The following NTM variants were observed in gnomAD, a reference collection of about 807,000 sequenced individuals.
NTM encodes the protein IgLON family member 2.
Under a neutral mutation model 42.1 loss-of-function variants are expected in NTM, and 13 were observed. The ratio of observed to expected loss-of-function variants is 0.31; its 90% CI spans 0.20 to 0.49. The LOEUF (loss-of-function observed/expected upper bound fraction) is 0.49, where lower values mean the gene tolerates loss of function less well. Among genes scored for constraint, NTM ranks in the 20% least tolerant of loss-of-function variants. The probability of loss-of-function intolerance (pLI) is 0.99; values close to 1 mark genes in which losing one functional copy is unlikely to be tolerated. For synonymous variants in NTM, 187 were observed against 179.2 expected, an observed-to-expected ratio of 1.04 and a Z score of -0.35; for missense variants, 373 against 452.8, an observed-to-expected ratio of 0.82 and a Z score of 1.60.
In NTM at chr11:132,104,937, G is replaced by GTGTGCA. The variant is rs1169190929; in HGVS notation, c.168-41344_168-41343insGTGCAT. Reference sequence around the variant, plus strand: ...TCTCTCTCTCTCCATATATACATATGTATATATATATATATATATATATAT... The same window carrying GTGTGCA: ...TCTCTCTCTCTCCATATATACATATGTGTGCATATATATATATATATATATATATAT... On this transcript the variant is annotated intron_variant, in intron 2 of 8. Transcript: ENST00000683400. Among the ~76,000 whole-genome samples, 2 of 61,826 alleles carry GTGTGCA rather than the reference G, an allele frequency of 3.2e-5. 1 individual carries two copies. Among genetic ancestry groups the GTGTGCA allele is most frequent in the African/African-American group, 1.2e-4 (2 of 16,516 alleles). 40.6% of individuals were successfully genotyped at this position (61,826 alleles called of 152,430 possible).
rs376786769 is a variant in NTM, at chr11:131,690,823, G to A, written c.83-220741G>A. ...GAGCAGAGCCAGCCTGAGGCACACG[G>A]CGGGTGAAGACGGGGCTCAGAAGGA... On this transcript the variant is annotated intron_variant, in intron 1 of 8. Transcript: ENST00000683400. Among the ~76,000 whole-genome samples, 8 of 152,330 alleles carry A rather than the reference G, an allele frequency of 5.3e-5. No homozygotes were observed. In the East Asian group the frequency reaches 7.7e-4, roughly 15 times the overall value.
intron 2 of NTM, among the ~76,000 whole-genome samples, chr11:131,945,144 G>A (rs922362253): frequency 2.4e-4 from 37 of 152,276 alleles, no homozygotes; most frequent in African/African-American, 6.3e-4. Context: ...CTTATAGGGC[G>A]ATTCACAAAA....
rs140389466 is a variant in NTM, at chr11:131,550,466, T to G, written c.82+179578T>G. ...CCCCTTGGTGCTGTTCTTGGCATAG[T>G]GGGTGCGTTATCATGAGATCTGTTT... On this transcript the variant is annotated intron_variant, in intron 1 of 8. Coordinates refer to ENST00000683400, the MANE Select transcript of NTM (RefSeq NM_001352005.2). Among the ~76,000 whole-genome samples, 192 of 152,264 alleles carry G rather than the reference T, an allele frequency of 1.3e-3. 1 individual carries two copies. Among genetic ancestry groups the G allele is most frequent in the Middle Eastern group, 3.4e-3 (1 of 294 alleles).
chr11:131,497,682 A>G (rs1955497137), intron 1 of NTM, among the ~76,000 whole-genome samples: 1 of 152,210 alleles, frequency 6.6e-6, no homozygotes, highest in Non-Finnish European at 1.5e-5. Context: ...ATTGTTAAGT[A>G]CCATGAGTTC....
intron 1 of NTM, among the ~76,000 whole-genome samples, chr11:131,727,273 T>G (rs1485382304): frequency 1.3e-5 from 2 of 152,204 alleles, no homozygotes; most frequent in Non-Finnish European, 2.9e-5. Flanking sequence ...TCCTTCTAAT[T>G]ACACATATGA....
At chr11:132,069,735 G>C (rs2057175830) in intron 2 of NTM, among the ~76,000 whole-genome samples, 1 of 148,410 alleles carries the variant, frequency 6.7e-6, no homozygotes, top group Non-Finnish European at 1.5e-5. Flanking sequence ...ACCATCACAG[G>C]TTAGTTAACA....
At chr11:131,613,605 T>C (rs889911661) in intron 1 of NTM, among the ~76,000 whole-genome samples, 2 of 152,100 alleles carry the variant, frequency 1.3e-5, no homozygotes, top group African/African-American at 4.8e-5. Flanking sequence ...TTTTAAAATG[T>C]GACTAATTCC....
At chr11:132,104,937 G>A (rs11222925) in intron 2 of NTM, among the ~76,000 whole-genome samples, 4 of 61,824 alleles carry the variant, frequency 6.5e-5, no homozygotes, top group East Asian at 7.7e-4. Context: ...ATATACATAT[G>A]TATATATATA....
chr11:131,764,227 A>G (rs953220199), intron 1 of NTM, among the ~76,000 whole-genome samples: 26 of 152,194 alleles, frequency 1.7e-4, no homozygotes, highest in Middle Eastern at 6.3e-3. Flanking sequence ...TTAATTAGCT[A>G]TATAACATTT....
intron 3 of NTM, among the ~76,000 whole-genome samples, chr11:132,203,098 A>G (rs1592197136): frequency 6.6e-6 from 1 of 152,166 alleles, no homozygotes; most frequent in East Asian, 1.9e-4. Flanking sequence ...TTGCTGACAA[A>G]AGAATGGGGT....
chr11:131,406,750 A>G (rs1489411221), intron 1 of NTM, among the ~76,000 whole-genome samples: 1 of 152,202 alleles, frequency 6.6e-6, no homozygotes, highest in Non-Finnish European at 1.5e-5. Flanking sequence ...CTATTTTTGG[A>G]CTTCAATTGA....
chr11:131,711,361 C>G (rs577377364), intron 1 of NTM, among the ~76,000 whole-genome samples: 89 of 152,204 alleles, frequency 5.8e-4, no homozygotes, highest in African/African-American at 2.1e-3. Context: ...ATTTATGCAG[C>G]CAAAAAACAC....
chr11:131,464,070 G>A (rs191534800), intron 1 of NTM, among the ~76,000 whole-genome samples: 3 of 152,362 alleles, frequency 2.0e-5, no homozygotes, highest in Admixed American at 1.3e-4. Flanking sequence ...AGGACCGCGA[G>A]TTTCCTCTCT....
chr11:132,059,368 C>T (rs988968182), intron 2 of NTM, among the ~76,000 whole-genome samples: 88 of 152,310 alleles, frequency 5.8e-4, no homozygotes, highest in African/African-American at 2.0e-3. Flanking sequence ...AATGTAGAGA[C>T]GCATTTGCTG....
At chr11:132,212,192 G>A (rs772785441) in intron 4 of NTM, 45 bp downstream of exon 4, 4 of 1,565,544 alleles carry the variant, frequency 2.6e-6, no homozygotes, top group Admixed American at 1.8e-5. Context: ...ATAAATGGGG[G>A]AATTTTGGGC....
intron 1 of NTM, among the ~76,000 whole-genome samples, chr11:131,705,220 G>A (rs952912248): frequency 5.3e-5 from 8 of 152,148 alleles, no homozygotes; most frequent in African/African-American, 1.9e-4. Context: ...AATTTCAGAA[G>A]CAGTAAGAGA....
chr11:131,813,233 C>CCAT (rs2092811765), intron 1 of NTM, among the ~76,000 whole-genome samples: 1 of 152,138 alleles, frequency 6.6e-6, no homozygotes, highest in African/African-American at 2.4e-5. Flanking sequence ...CAGATCGTTG[C>CCAT]CATCATGACA....
intron 2 of NTM, among the ~76,000 whole-genome samples, chr11:131,979,848 A>G (rs1286119527): frequency 6.6e-6 from 1 of 152,246 alleles, no homozygotes; most frequent in Non-Finnish European, 1.5e-5. Context: ...ACATCTAATT[A>G]CTAACTGGCA....
chr11:131,684,249 G>A (rs997146531), intron 1 of NTM, among the ~76,000 whole-genome samples: 3 of 152,162 alleles, frequency 2.0e-5, no homozygotes, highest in African/African-American at 7.2e-5. Flanking sequence ...TGACGACAGT[G>A]ACTCTCTCTG....
Sources: allele counts gnomAD v4.1 joint callset (sites outside exome capture counted in the v4.1 genomes callset), GRCh38; gene constraint gnomAD v4.1.1; transcripts MANE v1.5; gene names NCBI Gene and HGNC (gene_info 2026-07-23, HGNC 2026-07-21).